Variants in CFAP61 observed in about 807,000 individuals in gnomAD.
CFAP61 encodes cilia- and flagella-associated protein 61.
A neutral mutation model predicts 135.6 loss-of-function variants in CFAP61; 107 were observed. The ratio of observed to expected loss-of-function variants is 0.79; its 90% CI spans 0.67 to 0.93. The LOEUF (loss-of-function observed/expected upper bound fraction) is 0.93, where lower values mean the gene tolerates loss of function less well. Among genes scored for constraint, CFAP61 ranks in the 40% least tolerant of loss-of-function variants. The pLI, the probability that CFAP61 is intolerant of heterozygous loss-of-function variation, is 0.00. For synonymous variants in CFAP61, 575 were observed against 578.5 expected, an observed-to-expected ratio of 0.99 and a Z score of 0.09; for missense variants, 1,507 against 1,556.2, an observed-to-expected ratio of 0.97 and a Z score of 0.53.
chr20:20,300,599 T>G (rs189624363), intron 25 of CFAP61, among the ~76,000 whole-genome samples: 1,583 of 151,442 alleles, frequency 0.01, 47 homozygotes, highest in African/African-American at 0.036. Context: ...GGTTCTTTTG[T>G]TTTTTTTGTT....
chr20:20,070,744 AC>A, intron 2 of CFAP61, 109 bp from the exon 3 acceptor site: 1 of 889,168 alleles, frequency 1.1e-6, no homozygotes, highest in Non-Finnish European at 1.7e-6. Flanking sequence ...AGATTATCTG[AC>A]CTCATGCAGT....
intron 26 of CFAP61, among the ~76,000 whole-genome samples, chr20:20,353,871 G>A (rs147962280): frequency 2.7e-4 from 41 of 152,320 alleles, no homozygotes; most frequent in African/African-American, 9.1e-4. Context: ...TTCACTGTTG[G>A]TGGTAATATA....
intron 17 of CFAP61, among the ~76,000 whole-genome samples, chr20:20,206,544 T>C (rs112715246): frequency 0.041 from 6,211 of 152,306 alleles, 166 homozygotes; most frequent in Middle Eastern, 0.11. Context: ...TATTTTGTAA[T>C]TGGCTTCTTA....
chr20:20,060,785 A>C (rs974077845), intron 2 of CFAP61, among the ~76,000 whole-genome samples: 3 of 152,232 alleles, frequency 2.0e-5, no homozygotes, highest in Non-Finnish European at 4.4e-5. Flanking sequence ...GGGTCTCCGG[A>C]AGTGCTCCTT....
At position 20,067,736 on chromosome 20, in the gene CFAP61, T is replaced by A. The variant is rs868149705; in HGVS notation, c.144-3118T>A. On this transcript the variant is annotated intron_variant, in intron 2 of 26. Transcript: ENST00000245957. ...ATATATAATATATATTCATATTATT[T>A]TATATATAATATATATTTATATTAT... 1.2e-4 allele frequency among the ~76,000 whole-genome samples: 17 copies of A among 145,510 alleles called. 1 individual carries two copies. In the South Asian group the frequency reaches 1.3e-3, roughly 11 times the overall value.
At chr20:20,333,645 C>T (rs2122320542) in intron 25 of CFAP61, among the ~76,000 whole-genome samples, 1 of 152,308 alleles carries the variant, frequency 6.6e-6, no homozygotes, top group East Asian at 1.9e-4. Context: ...TTAACATATT[C>T]CATCTTCTAA....
chr20:20,090,746 C>T (rs2047133943), intron 6 of CFAP61, 98 bp from the exon 7 acceptor site: 7 of 1,199,846 alleles, frequency 5.8e-6, no homozygotes, highest in Non-Finnish European at 8.4e-6. Context: ...GTTGCTCTAG[C>T]CCCGGCACTT....
chr20:20,253,724 T>C, intron 20 of CFAP61: 2 of 351,568 alleles, frequency 5.7e-6, no homozygotes, highest in Non-Finnish European at 1.1e-5. Context: ...ACTGGGTGGC[T>C]CTTGATATAT....
intron 17 of CFAP61, among the ~76,000 whole-genome samples, chr20:20,210,034 C>T (rs1418965912): frequency 6.6e-6 from 1 of 152,198 alleles, no homozygotes; most frequent in Non-Finnish European, 1.5e-5. Flanking sequence ...CTCTCTTCCT[C>T]TCCGCTTTCC....
At chr20:20,052,885 C>T (rs1192984639) in intron 1 of CFAP61, 4 of 662,232 alleles carry the variant, frequency 6.0e-6, no homozygotes, top group Non-Finnish European at 1.0e-5. Context: ...GGTCCACGCC[C>T]CCTCGTTTCT....
At chr20:20,289,801 G>T (rs2054871683) in intron 23 of CFAP61, among the ~76,000 whole-genome samples, 1 of 152,264 alleles carries the variant, frequency 6.6e-6, no homozygotes, top group African/African-American at 2.4e-5. Flanking sequence ...GCCAGAGCTG[G>T]CACAGGCCCA....
At chr20:20,342,492 A>G (rs1398273553) in intron 26 of CFAP61, among the ~76,000 whole-genome samples, 2 of 152,230 alleles carry the variant, frequency 1.3e-5, no homozygotes, top group Admixed American at 6.5e-5. Flanking sequence ...AAGTTAAAAT[A>G]TTTCTTTCAA....
chr20:20,283,889 T>C (rs2054378149), intron 22 of CFAP61, among the ~76,000 whole-genome samples: 1 of 152,206 alleles, frequency 6.6e-6, no homozygotes, highest in African/African-American at 2.4e-5. Flanking sequence ...CCTGGTCCCT[T>C]TTAAGGTTTA....
intron 8 of CFAP61, among the ~76,000 whole-genome samples, chr20:20,116,872 G>C (rs999361028): frequency 6.6e-6 from 1 of 151,266 alleles, no homozygotes. Flanking sequence ...TTTCACATTT[G>C]TTATACTCCT....
intron 8 of CFAP61, among the ~76,000 whole-genome samples, chr20:20,116,660 T>C (rs749061718): frequency 1.3e-5 from 2 of 152,176 alleles, no homozygotes; most frequent in African/African-American, 4.8e-5. Flanking sequence ...TTGTAAACTG[T>C]AGTCACCCTA....
At chr20:20,072,421 A>G (rs938253960) in intron 3 of CFAP61, among the ~76,000 whole-genome samples, 2 of 152,018 alleles carry the variant, frequency 1.3e-5, no homozygotes, top group East Asian at 3.9e-4. Context: ...GGCCTAATCC[A>G]GCAATCTTAT....
At chr20:20,352,537 T>G (rs1436562185) in intron 26 of CFAP61, among the ~76,000 whole-genome samples, 1 of 152,098 alleles carries the variant, frequency 6.6e-6, no homozygotes, top group East Asian at 1.9e-4. Flanking sequence ...ACCTACACAT[T>G]TACAGGCAAT....
intron 25 of CFAP61, 105 bp downstream of exon 25, chr20:20,298,491 C>G: frequency 1.1e-6 from 1 of 908,944 alleles, no homozygotes; most frequent in South Asian, 1.6e-5. Flanking sequence ...AACGGGAATC[C>G]CAGAGAGAGG....
At chr20:20,326,238 T>C (rs1407261128) in intron 25 of CFAP61, among the ~76,000 whole-genome samples, 1 of 152,272 alleles carries the variant, frequency 6.6e-6, no homozygotes, top group East Asian at 1.9e-4. Flanking sequence ...TTATTGGATA[T>C]GTGTTTTGCA....
Sources: gnomAD v4.1 joint callset for allele counts (sites outside exome capture counted in the v4.1 genomes callset) on GRCh38, gnomAD v4.1.1 for gene constraint, MANE v1.5 for transcripts, NCBI Gene and HGNC (gene_info 2026-07-23, HGNC 2026-07-21) for gene names.